Variants in GRHL1 observed in about 807,000 individuals in gnomAD.
The protein encoded by GRHL1 is grainyhead like transcription factor 1.
Under a neutral mutation model 75.7 loss-of-function variants are expected in GRHL1, and 38 were observed. That is an observed-to-expected ratio of 0.50 (90% CI 0.39 to 0.66). The LOEUF (loss-of-function observed/expected upper bound fraction) is 0.66. Among genes scored for constraint, GRHL1 ranks in the 30% least tolerant of loss-of-function variants. The pLI, the probability that GRHL1 is intolerant of heterozygous loss-of-function variation, is 0.00. For synonymous variants in GRHL1, 266 were observed against 279.4 expected, an observed-to-expected ratio of 0.95 and a Z score of 0.48; for missense variants, 589 against 767.5, an observed-to-expected ratio of 0.77 and a Z score of 2.75.
At chr2:9,996,022 G>A in intron 13 of GRHL1, 52 bp downstream of exon 13, 4 of 1,116,940 alleles carry the variant, frequency 3.6e-6, no homozygotes, top group Non-Finnish European at 5.5e-6. Flanking sequence ...AGTGAGTTCA[G>A]AATCTATCAA....
chr2:9,998,747 CATATATACGTAT>C (rs1669085552), intron 14 of GRHL1, among the ~76,000 whole-genome samples: 1 of 35,408 alleles, frequency 2.8e-5, no homozygotes, highest in African/African-American at 1.7e-4. Flanking sequence ...TATGTACACA[CATATATACGTAT>C]ATATATGTAC....
intron 8 of GRHL1, among the ~76,000 whole-genome samples, chr2:9,971,493 C>T (rs1667721689): frequency 2.0e-5 from 3 of 152,270 alleles, no homozygotes; most frequent in African/African-American, 7.2e-5. Context: ...CGGCAGATTA[C>T]GAAGCTAACT....
intron 8 of GRHL1, among the ~76,000 whole-genome samples, chr2:9,984,611 G>A (rs1339394367): frequency 6.6e-6 from 1 of 152,130 alleles, no homozygotes; most frequent in Non-Finnish European, 1.5e-5. Context: ...TTGGAGCCCA[G>A]GAGAGAAGGG....
At chr2:9,997,441 C>T (rs143376238) in intron 14 of GRHL1, among the ~76,000 whole-genome samples, 2 of 152,264 alleles carry the variant, frequency 1.3e-5, no homozygotes, top group East Asian at 1.9e-4. Context: ...CAGGCAGCGC[C>T]GTTCCCACTG....
chr2:9,967,924 T>C (rs1471056924), intron 8 of GRHL1, among the ~76,000 whole-genome samples: 1 of 152,178 alleles, frequency 6.6e-6, no homozygotes, highest in African/African-American at 2.4e-5. Flanking sequence ...ATTGTACATA[T>C]TTATGTGGTA....
rs188242325 is a variant in GRHL1, at chr2:9,987,868, A to C, written c.1269+1586A>C. Among the ~76,000 whole-genome samples, 82 of 152,182 alleles carry C rather than the reference A, an allele frequency of 5.4e-4. No homozygotes were observed. Among genetic ancestry groups the C allele is most frequent in the South Asian group, 1.2e-3 (6 of 4,814 alleles). ...AGTTTTTCCTACTCAAAAATATTGG[A>C]CCTATTTTTGGCAGGGGACGGGGGC... On this transcript the variant is annotated intron_variant, in intron 9 of 15. Transcript: ENST00000324907. This position sits in a 1 kb window ranked among gnomAD's most constrained non-coding sequence, Gnocchi z 4.2.
intron 3 of GRHL1, 28 bp from the exon 4 acceptor site, chr2:9,961,018 G>C (rs1421987760): frequency 6.6e-7 from 1 of 1,509,842 alleles, no homozygotes; most frequent in Non-Finnish European, 8.9e-7. Context: ...TCAGCATCGC[G>C]TTTGAAAGCA....
At chr2:9,985,870 G>T (rs969380718) in intron 8 of GRHL1, among the ~76,000 whole-genome samples, 1 of 152,150 alleles carries the variant, frequency 6.6e-6, no homozygotes, top group East Asian at 1.9e-4. Context: ...TAGGGATTCT[G>T]GAAGGGAACA....
intron 8 of GRHL1, among the ~76,000 whole-genome samples, chr2:9,977,020 T>G (rs1301468804): frequency 1.3e-5 from 2 of 152,264 alleles, no homozygotes; most frequent in African/African-American, 4.8e-5. Context: ...TTGCCTAATA[T>G]TAAGCAATCT....
intron 14 of GRHL1, among the ~76,000 whole-genome samples, chr2:9,996,959 G>C (rs201862384): frequency 1.3e-4 from 20 of 152,194 alleles, no homozygotes; most frequent in Non-Finnish European, 5.9e-5. Context: ...AACATGGAAG[G>C]CTGCTGTGTT....
intron 2 of GRHL1, among the ~76,000 whole-genome samples, chr2:9,956,424 G>A (rs1265421755): frequency 1.3e-5 from 2 of 152,184 alleles, no homozygotes; most frequent in East Asian, 3.9e-4. Context: ...AGGAGGCTGA[G>A]GTGGGAGGAT....
chr2:9,956,218 G>A (rs1667016180), intron 2 of GRHL1, among the ~76,000 whole-genome samples: 2 of 152,148 alleles, frequency 1.3e-5, no homozygotes, highest in South Asian at 4.1e-4. Context: ...CTAGCCATTG[G>A]CTACATTCTG....
intron 12 of GRHL1, among the ~76,000 whole-genome samples, chr2:9,993,988 C>T (rs6750946): frequency 0.2 from 29,973 of 152,106 alleles, 3,043 homozygotes; most frequent in African/African-American, 0.24. Context: ...CTTTGATGCT[C>T]AGGTTGTCCC....
Position 9,961,191 on chromosome 2 carries a change from G to A in GRHL1, c.424G>A (p.Asp142Asn). ...TAAGAGAGGCCATCTGACAGCTCCA[G>A]ATACGACAGTCACTGTCTCCATAGC... ...IDKRGHLTAP[D>N]TTVTVSIATM... Residue 142 changes from aspartate to asparagine, a missense_variant, in exon 4 of 16, where the codon GAT becomes AAT. Coordinates refer to ENST00000324907, the MANE Select transcript of GRHL1 (RefSeq NM_198182.3). 1 of 1,614,148 alleles carries A rather than the reference G, an allele frequency of 6.2e-7. No individual in the cohort carries two copies.
chr2:9,983,015 G>C lies in GRHL1; in HGVS notation c.1111-3109G>C, dbSNP rs1668263225. 2.0e-5 allele frequency among the ~76,000 whole-genome samples: 3 copies of C among 152,304 alleles called. No individual in the cohort carries two copies. The South Asian group carries it at 6.2e-4, about 32-fold the overall frequency. On this transcript the variant is annotated intron_variant, in intron 8 of 15. Transcript: ENST00000324907. ...TGCTTAGTTAGGGGCCAGCTCAAAT[G>C]CTTTGATGTTCAGACCTAAGCGGCT... is the stretch of plus-strand genomic sequence containing the variant.
At chr2:9,956,887 C>T (rs1572331447) in intron 2 of GRHL1, among the ~76,000 whole-genome samples, 1 of 152,074 alleles carries the variant, frequency 6.6e-6, no homozygotes, top group Non-Finnish European at 1.5e-5. Flanking sequence ...ACTACTCCTG[C>T]GTCTCAGAAG....
chr2:9,965,284 T>C lies in GRHL1; in HGVS notation c.1016-3T>C, dbSNP rs773417950. 1.9e-6 allele frequency: 3 copies of C among 1,560,288 alleles called. No homozygotes were observed. The highest frequency in any genetic ancestry group is 2.7e-6 in the Non-Finnish European group (3 of 1,130,994). ...TCATTTTCTCTTCCACCGCTTCCTG[T>C]AGCTGACTATAAAGAAAGCTTCAAC... is the stretch of plus-strand genomic sequence containing the variant. On this transcript the variant is annotated splice_region_variant and splice_polypyrimidine_tract_variant and intron_variant, in intron 7 of 15. Coordinates refer to ENST00000324907, the MANE Select transcript of GRHL1 (RefSeq NM_198182.3).
At chr2:9,959,928 TCAAA>T (rs1334966474) in intron 3 of GRHL1, 2 of 152,216 alleles carry the variant, frequency 1.3e-5, no homozygotes, top group Non-Finnish European at 2.9e-5. Flanking sequence ...GGTTCAGGGT[TCAAA>T]CAGTTTTATT....
chr2:9,981,156 A>G (rs1199723651), intron 8 of GRHL1, among the ~76,000 whole-genome samples: 2 of 152,228 alleles, frequency 1.3e-5, no homozygotes, highest in African/African-American at 4.8e-5. Flanking sequence ...GCTTTTTAAC[A>G]TTAAACAAAA....
Sources: allele counts gnomAD v4.1 joint callset (sites outside exome capture counted in the v4.1 genomes callset), GRCh38; gene constraint gnomAD v4.1.1; non-coding constraint Gnocchi (gnomAD v3.1); transcripts MANE v1.5; gene names NCBI Gene and HGNC (gene_info 2026-07-23, HGNC 2026-07-21).